Variants in RFX3 observed in about 807,000 individuals in gnomAD.
RFX3 encodes the protein regulatory factor X3.
Under a neutral mutation model 98.6 loss-of-function variants are expected in RFX3, and 14 were observed. The observed-to-expected ratio is 0.14, with a 90% CI of 0.09 to 0.22. The LOEUF (loss-of-function observed/expected upper bound fraction) is 0.22, where lower values mean the gene tolerates loss of function less well. Ranked by LOEUF, RFX3 falls within the 10% of genes least tolerant of loss-of-function variation. The pLI is 1.00. For synonymous variants in RFX3, 383 were observed against 328.4 expected (o/e 1.17, Z -1.80); for missense variants, 639 against 926.9 (o/e 0.69, Z 4.03).
At chr9:3,350,255 C>T (rs975820267) in intron 2 of RFX3, among the ~76,000 whole-genome samples, 1 of 152,054 alleles carries the variant, frequency 6.6e-6, no homozygotes, top group African/African-American at 2.4e-5. Flanking sequence ...ACAAAGAGCT[C>T]TTAAAACTCA....
intron 1 of RFX3, among the ~76,000 whole-genome samples, chr9:3,412,358 T>G (rs139065448): frequency 7.2e-5 from 11 of 152,334 alleles, no homozygotes; most frequent in African/African-American, 2.2e-4. Flanking sequence ...CACCATTTTA[T>G]AAGGAATGTT....
intron 2 of RFX3, among the ~76,000 whole-genome samples, chr9:3,351,117 T>C (rs1179139414): frequency 6.6e-6 from 1 of 152,018 alleles, no homozygotes; most frequent in African/African-American, 2.4e-5. Flanking sequence ...TGTGTCAATG[T>C]AGGTTCATCA....
Position 3,224,734 on chromosome 9 carries a change from G to A in RFX3, c.*308C>T, listed in dbSNP as rs543881640. On this transcript the variant is annotated 3_prime_UTR_variant, in exon 17 of 17. Transcript: ENST00000617270. ...AACAATCAACAATAAAATATTTTAA[G>A]CTACAAAAAATGTAAATTACTTTTT... is the stretch of plus-strand genomic sequence containing the variant. 3 of 215,056 alleles carry A rather than the reference G, an allele frequency of 1.4e-5. No individual in the cohort carries two copies. In the East Asian group the frequency reaches 3.3e-4, roughly 24 times the overall value. 13.3% of individuals were successfully genotyped at this position (215,056 alleles called of 1,614,324 possible).
chr9:3,428,579 G>C (rs1400987346), intron 1 of RFX3, among the ~76,000 whole-genome samples: 1 of 151,848 alleles, frequency 6.6e-6, no homozygotes, highest in African/African-American at 2.4e-5. Context: ...TTTTATTCAA[G>C]TCAAAATAAA....
chr9:3,496,560 C>A (rs1449654578), intron 1 of RFX3, among the ~76,000 whole-genome samples: 1 of 151,974 alleles, frequency 6.6e-6, no homozygotes, highest in Non-Finnish European at 1.5e-5. Flanking sequence ...AATAAGAATA[C>A]TAGCTTCCAC....
intron 4 of RFX3, among the ~76,000 whole-genome samples, chr9:3,329,388 A>G (rs1346474312): frequency 7.0e-6 from 1 of 142,944 alleles, no homozygotes; most frequent in African/African-American, 2.7e-5. Context: ...AGCCTGGGCC[A>G]CAGAGTAAGA....
At chr9:3,260,817 T>C (rs1372911559) in intron 13 of RFX3, among the ~76,000 whole-genome samples, 1 of 150,320 alleles carries the variant, frequency 6.7e-6, no homozygotes, top group Non-Finnish European at 1.5e-5. Context: ...GATGGATAGA[T>C]GATATTTTTT....
At chr9:3,429,779 C>T (rs1023449182) in intron 1 of RFX3, among the ~76,000 whole-genome samples, 11 of 152,138 alleles carry the variant, frequency 7.2e-5, no homozygotes, top group African/African-American at 1.9e-4. Flanking sequence ...TGTATCTTAG[C>T]GGCTGCTATA....
chr9:3,248,615 A>C (rs1021455574), intron 14 of RFX3, among the ~76,000 whole-genome samples: 2 of 152,212 alleles, frequency 1.3e-5, no homozygotes, highest in Non-Finnish European at 2.9e-5. Flanking sequence ...GGTAGGCCTT[A>C]GAAAAAAGAT....
intron 1 of RFX3, among the ~76,000 whole-genome samples, chr9:3,443,267 T>C (rs1165110925): frequency 2.0e-5 from 3 of 152,210 alleles, no homozygotes; most frequent in Non-Finnish European, 4.4e-5. Context: ...TAAATGTGTG[T>C]CATGATGGTT....
intron 1 of RFX3, among the ~76,000 whole-genome samples, chr9:3,396,836 A>G (rs768572497): frequency 2.0e-5 from 3 of 152,088 alleles, no homozygotes; most frequent in Admixed American, 6.6e-5. Flanking sequence ...GCATAAATAG[A>G]GTAAATCATT....
chr9:3,346,295 A>G (rs2131154175), intron 3 of RFX3, among the ~76,000 whole-genome samples: 1 of 152,322 alleles, frequency 6.6e-6, no homozygotes, highest in East Asian at 1.9e-4. Flanking sequence ...ATTCATTTAC[A>G]TGCAAATACA....
At chr9:3,283,458 G>A (rs886192458) in intron 7 of RFX3, among the ~76,000 whole-genome samples, 4 of 151,712 alleles carry the variant, frequency 2.6e-5, no homozygotes, top group Admixed American at 2.0e-4. Context: ...CTCTGCAGAA[G>A]TGCCTATGTA....
intron 3 of RFX3, among the ~76,000 whole-genome samples, chr9:3,343,849 G>T (rs887313751): frequency 6.6e-6 from 1 of 152,130 alleles, no homozygotes; most frequent in Non-Finnish European, 1.5e-5. Flanking sequence ...AAGCTAATTG[G>T]ACTTTGTGAC....
chr9:3,523,198 G>A (rs568007591), intron 1 of RFX3, among the ~76,000 whole-genome samples: 1 of 152,266 alleles, frequency 6.6e-6, no homozygotes, highest in East Asian at 1.9e-4. Context: ...CAAGTTACAA[G>A]TGACTTCTAT....
chr9:3,509,500 A>G (rs1456737976), intron 1 of RFX3, among the ~76,000 whole-genome samples: 17 of 152,020 alleles, frequency 1.1e-4, no homozygotes, highest in Admixed American at 1.1e-3. Flanking sequence ...AATACAAATA[A>G]TAGGAATTAA....
chr9:3,312,910 C>G (rs1009253217), intron 4 of RFX3, among the ~76,000 whole-genome samples: 5 of 152,222 alleles, frequency 3.3e-5, no homozygotes, highest in African/African-American at 9.6e-5. Flanking sequence ...AGGAGGCCTG[C>G]CTGCCTCTGT....
intron 1 of RFX3, among the ~76,000 whole-genome samples, chr9:3,511,967 C>A (rs986923590): frequency 1.3e-5 from 2 of 152,024 alleles, no homozygotes; most frequent in Non-Finnish European, 2.9e-5. Flanking sequence ...ATGTGTGTAA[C>A]ACAAGGAAAT....
At chr9:3,331,050 C>A (rs1433304198) in intron 3 of RFX3, among the ~76,000 whole-genome samples, 1 of 152,092 alleles carries the variant, frequency 6.6e-6, no homozygotes, top group Non-Finnish European at 1.5e-5. Flanking sequence ...ACCCTGGACC[C>A]TAAGTCCCTC....
Sources: allele counts gnomAD v4.1 joint callset (sites outside exome capture counted in the v4.1 genomes callset), GRCh38; gene constraint gnomAD v4.1.1; transcripts MANE v1.5; gene names NCBI Gene and HGNC (gene_info 2026-07-23, HGNC 2026-07-21).